MACC1: variants seen among roughly 807,000 people sequenced by gnomAD.
MACC1 encodes metastasis-associated in colon cancer protein 1.
A neutral mutation model predicts 70.7 loss-of-function variants in MACC1; 79 were observed. The ratio of observed to expected loss-of-function variants is 1.12; its 90% confidence interval spans 0.93 to 1.35. MACC1 has a LOEUF of 1.35. Among genes scored for constraint, MACC1 ranks in the 40% most tolerant of loss-of-function variants. The pLI, the probability that MACC1 is intolerant of heterozygous loss-of-function variation, is 0.00. For synonymous variants in MACC1, 361 were observed against 347.2 expected (o/e 1.04, Z -0.44); for missense variants, 1,106 against 978.1 (o/e 1.13, Z -1.74).
chr7:20,207,025 G>GCAATGTGCCT (rs1782922871), intron 1 of MACC1, among the ~76,000 whole-genome samples: 1 of 152,038 alleles, frequency 6.6e-6, no homozygotes, highest in South Asian at 2.1e-4. Flanking sequence ...CTAGATTTTT[G>GCAATGTGCCT]TGATAAATCT....
intron 1 of MACC1, among the ~76,000 whole-genome samples, chr7:20,180,201 T>G (rs1446452342): frequency 1.3e-5 from 2 of 152,092 alleles, no homozygotes; most frequent in East Asian, 3.8e-4. Flanking sequence ...TCCCAGCACT[T>G]TGGGAGGCCG....
chr7:20,169,527 T>G (rs1481308687), intron 2 of MACC1, among the ~76,000 whole-genome samples: 3 of 152,196 alleles, frequency 2.0e-5, no homozygotes, highest in Non-Finnish European at 4.4e-5. Flanking sequence ...CTGAGCCAAA[T>G]TCTGTATTTG....
At chr7:20,196,241 C>T (rs1046148388) in intron 1 of MACC1, among the ~76,000 whole-genome samples, 1 of 152,020 alleles carries the variant, frequency 6.6e-6, no homozygotes, top group African/African-American at 2.4e-5. Flanking sequence ...AGTGCAGTGG[C>T]GCCATCTCGG....
intron 1 of MACC1, among the ~76,000 whole-genome samples, chr7:20,194,640 G>A (rs891181918): frequency 6.6e-6 from 1 of 152,182 alleles, no homozygotes; most frequent in Non-Finnish European, 1.5e-5. Context: ...TTACATTCAT[G>A]CAAAACATCA....
At chr7:20,182,762 G>A (rs992542231) in intron 1 of MACC1, among the ~76,000 whole-genome samples, 11 of 151,942 alleles carry the variant, frequency 7.2e-5, no homozygotes, top group Admixed American at 7.2e-4. Flanking sequence ...GGGCTCCTTT[G>A]ACACATGGGA....
chr7:20,154,066 T>G lies in MACC1; in HGVS notation c.2346+127A>C, dbSNP rs1251474727. On this transcript the variant is annotated intron_variant, in intron 6 of 6. Transcript: ENST00000400331. ...TAGTACTGATGAGTTACTAGTGCAG[T>G]GATTCAGTTAGTGGATCATCTTGGA... 3.4e-6 allele frequency: 3 copies of G among 889,706 alleles called. No homozygotes were observed. The Admixed American group carries it at 6.4e-5, about 19-fold the overall frequency. 55.1% of individuals were successfully genotyped at this position (889,706 alleles called of 1,614,324 possible).
rs750129833 is a variant in MACC1 at position 20,158,838 on chromosome 7, G to T, written c.1523C>A (p.Thr508Asn). 10 of 1,614,146 alleles carry T rather than the reference G, an allele frequency of 6.2e-6. No individual in the cohort carries two copies. Among genetic ancestry groups the T allele is most frequent in the Non-Finnish European group, 8.5e-6 (10 of 1,180,032 alleles). The change falls in exon 5 of 7, where the codon ACC becomes AAC. Residue 508 changes from threonine (T) to asparagine (N), a missense_variant. Thr to Asn is a moderately conservative substitution (Grantham distance 65). Transcript: ENST00000400331. Reference sequence around the variant, plus strand: ...ATTCGAGAGTCTTTTTAGGTTTGGGGTTGGATCAGGAGTAGTGATAGAGAA... The same window carrying T: ...ATTCGAGAGTCTTTTTAGGTTTGGGTTTGGATCAGGAGTAGTGATAGAGAA... ...AQFSITTPDP[T>N]PNLKRLSNLP...
intron 1 of MACC1, among the ~76,000 whole-genome samples, chr7:20,188,007 G>A (rs768854749): frequency 1.7e-4 from 26 of 152,176 alleles, no homozygotes; most frequent in Admixed American, 4.6e-4. Flanking sequence ...TTACAATCAT[G>A]GTGGAAGGGG....
At chr7:20,214,235 G>T (rs368395840) in intron 1 of MACC1, among the ~76,000 whole-genome samples, 4 of 152,184 alleles carry the variant, frequency 2.6e-5, no homozygotes, top group East Asian at 3.9e-4. Flanking sequence ...TCCCTTTAAA[G>T]CTTCCACAAC....
intron 1 of MACC1, among the ~76,000 whole-genome samples, chr7:20,200,302 TATAG>T (rs1782814965): frequency 6.6e-6 from 1 of 151,996 alleles, no homozygotes; most frequent in African/African-American, 2.4e-5. Flanking sequence ...AATGGACAGT[TATAG>T]ATAAAGAGAT....
At chr7:20,148,675 C>G (rs981123424) in intron 6 of MACC1, among the ~76,000 whole-genome samples, 4 of 152,078 alleles carry the variant, frequency 2.6e-5, no homozygotes, top group Non-Finnish European at 1.5e-5. Flanking sequence ...TCTTTGTTTT[C>G]TTTCCTACCT....
At chr7:20,211,199 G>C (rs919764561) in intron 1 of MACC1, among the ~76,000 whole-genome samples, 1 of 152,040 alleles carries the variant, frequency 6.6e-6, no homozygotes, top group Non-Finnish European at 1.5e-5. Context: ...TTAACATAAG[G>C]ATTCCTGGGA....
In MACC1 at chr7:20,159,646, C is replaced by T; in HGVS notation, c.715G>A (p.Gly239Ser). Residue 239 changes from glycine to serine, a missense_variant, in exon 5 of 7, where the codon GGT (glycine) becomes AGT (serine). Transcript: ENST00000400331. ...ESDITVHVPQGHVAVGEFQEV... is the reference protein window; with the variant it reads ...ESDITVHVPQSHVAVGEFQEV... ...TGGAATTCTCCCACAGCCACATGAC[C>T]TTGGGGCACATGAACAGTGATGTCT... is the stretch of plus-strand genomic sequence containing the variant. The T allele has an allele frequency of 7.4e-6, 12 of 1,614,118 alleles. No individual in the cohort carries two copies. Among genetic ancestry groups the T allele is most frequent in the Non-Finnish European group, 1.0e-5 (12 of 1,180,008 alleles).
intron 6 of MACC1, among the ~76,000 whole-genome samples, chr7:20,144,872 C>A (rs976222356): frequency 2.4e-4 from 37 of 152,030 alleles, no homozygotes; most frequent in African/African-American, 8.5e-4. Context: ...TTAGTGGATA[C>A]AAGAGAGAAA....
intron 1 of MACC1, among the ~76,000 whole-genome samples, chr7:20,199,331 T>C (rs1331739853): frequency 6.6e-6 from 1 of 152,270 alleles, no homozygotes; most frequent in Non-Finnish European, 1.5e-5. Context: ...CTCCTGTTCA[T>C]ACTCATGGAA....
At chr7:20,216,836 G>C (rs972737933) in intron 1 of MACC1, among the ~76,000 whole-genome samples, 2 of 152,182 alleles carry the variant, frequency 1.3e-5, no homozygotes, top group South Asian at 4.1e-4. Context: ...GAGACTTTGC[G>C]AGGTGAAACA....
At chr7:20,210,455 C>G (rs1412662085) in intron 1 of MACC1, among the ~76,000 whole-genome samples, 2 of 152,082 alleles carry the variant, frequency 1.3e-5, no homozygotes, top group African/African-American at 4.8e-5. Flanking sequence ...CTCTTTCATC[C>G]CTATGTACCC....
In MACC1 at chr7:20,138,599, G is replaced by A. The variant is rs529609795; in HGVS notation, c.*2347C>T. ...TTTATTTTTAATTAAAATAAATTCT[G>A]TCCTTGAATGTGTATACATAATTAT... On this transcript the variant is annotated 3_prime_UTR_variant, in exon 7 of 7. Coordinates refer to ENST00000400331, the MANE Select transcript of MACC1 (RefSeq NM_182762.4). The A allele has an allele frequency of 1.3e-5, 2 of 151,238 alleles. No individual in the cohort carries two copies. The highest frequency in any genetic ancestry group is 2.9e-5 in the Non-Finnish European group (2 of 67,900). 9.4% of individuals were successfully genotyped at this position (151,238 alleles called of 1,614,324 possible). A position where few individuals can be genotyped will look rare whatever the true frequency, so the allele number is the denominator to read the frequency against.
intron 5 of MACC1, among the ~76,000 whole-genome samples, chr7:20,157,766 CAAAAAAAAAAAAAAAA>C (rs370288319): frequency 1.9e-5 from 1 of 53,916 alleles, no homozygotes; most frequent in Admixed American, 2.0e-4. Flanking sequence ...GACTTTGTCT[CAAAAAAAAAAAAAAAA>C]AAAAAAGAAA....
Sources: allele counts gnomAD v4.1 joint callset (sites outside exome capture counted in the v4.1 genomes callset), GRCh38; gene constraint gnomAD v4.1.1; transcripts MANE v1.5; gene names NCBI Gene and HGNC (gene_info 2026-07-23, HGNC 2026-07-21).